ARFGEF1: variants seen among roughly 807,000 people sequenced by gnomAD.
ARFGEF1 encodes the protein brefeldin A-inhibited guanine nucleotide-exchange protein 1.
In ARFGEF1, 42 loss-of-function variants were observed where a neutral mutation model predicts 231.0. The observed-to-expected ratio is 0.18, with a 90% CI of 0.14 to 0.24. The LOEUF is 0.24. Among genes scored for constraint, ARFGEF1 ranks in the 10% least tolerant of loss-of-function variants. The pLI, the probability that ARFGEF1 is intolerant of heterozygous loss-of-function variation, is 1.00. For missense variants in ARFGEF1, 1,345 were observed against 2,192.0 expected (o/e 0.61, Z 7.72); for synonymous variants, 710 against 732.3 (o/e 0.97, Z 0.49).
At position 67,197,840 on chromosome 8, in the gene ARFGEF1, GA is replaced by G. The variant is rs1356554751; in HGVS notation, c.*1093del. ...ATTTTCTACATCCACTGTTAATACG[GA>G]ATGCTTGACAATCTTGTCTTTTAAC... On this transcript the variant is annotated 3_prime_UTR_variant, in exon 39 of 39. Transcript: ENST00000262215. 9 of 985,688 alleles carry G rather than the reference GA, an allele frequency of 9.1e-6. No individual in the cohort carries two copies. Among genetic ancestry groups the G allele is most frequent in the Non-Finnish European group, 1.1e-5 (9 of 829,938 alleles). The allele number at this position is 985,688 out of a possible 1,614,324, so 61.1% of individuals were successfully genotyped here.
Position 67,198,100 on chromosome 8 carries a change from G to C in ARFGEF1, c.*834C>G, listed in dbSNP as rs1191427785. ...CTATTTTAATGGCTCATCTTTAAAA[G>C]TCCTAAGAGAAATATGTGACAGGTA... On this transcript the variant is annotated 3_prime_UTR_variant, in exon 39 of 39. Transcript: ENST00000262215. 1 of 985,670 alleles carries C rather than the reference G, an allele frequency of 1.0e-6. No homozygotes were observed. The highest frequency in any genetic ancestry group is 1.2e-6 in the Non-Finnish European group (1 of 829,916). 61.1% of individuals were successfully genotyped at this position (985,670 alleles called of 1,614,324 possible).
At chr8:67,250,436 T>C (rs769277529) in intron 19 of ARFGEF1, among the ~76,000 whole-genome samples, 3 of 152,192 alleles carry the variant, frequency 2.0e-5, no homozygotes, top group Admixed American at 6.5e-5. Context: ...GAACAGATCA[T>C]AAAAGCTCAC....
At chr8:67,289,297 G>C (rs557673837) in intron 6 of ARFGEF1, among the ~76,000 whole-genome samples, 1 of 152,048 alleles carries the variant, frequency 6.6e-6, no homozygotes, top group Non-Finnish European at 1.5e-5. Flanking sequence ...GGTCACACCT[G>C]TAATCCCAGC....
At chr8:67,185,880 CA>C (rs1834440821) in intron 5 of ARFGEF1, among the ~76,000 whole-genome samples, 1 of 152,044 alleles carries the variant, frequency 6.6e-6, no homozygotes, top group South Asian at 2.1e-4. Flanking sequence ...ACACCAAGAT[CA>C]AAAGGACAAG....
chr8:67,335,407 G>A (rs576175878), intron 1 of ARFGEF1, among the ~76,000 whole-genome samples: 10 of 151,894 alleles, frequency 6.6e-5, no homozygotes, highest in Non-Finnish European at 1.5e-4. Flanking sequence ...GCCGGGCCCC[G>A]TATCACAGTA....
At chr8:67,257,543 C>T (rs953873424) in intron 17 of ARFGEF1, among the ~76,000 whole-genome samples, 189 bp downstream of exon 17, 4 of 146,190 alleles carry the variant, frequency 2.7e-5, no homozygotes, top group South Asian at 2.1e-4. Flanking sequence ...TTATAGATAC[C>T]TAAAAGTCTA....
intron 5 of ARFGEF1, among the ~76,000 whole-genome samples, chr8:67,183,861 T>TC (rs1833663983): frequency 6.7e-6 from 1 of 148,588 alleles, no homozygotes; most frequent in African/African-American, 2.5e-5. Context: ...TTTTTTTTTT[T>TC]TTTTTTTTTT....
At chr8:67,243,483 C>A (rs1041100935) in intron 19 of ARFGEF1, among the ~76,000 whole-genome samples, 1 of 152,130 alleles carries the variant, frequency 6.6e-6, no homozygotes, top group Non-Finnish European at 1.5e-5. Flanking sequence ...ACAAGAACAG[C>A]ACGGGAAAAG....
At position 67,226,134 on chromosome 8, in the gene ARFGEF1, A is replaced by G. The variant is rs1839364041; in HGVS notation, c.3966T>C (p.Asp1322=). 6.2e-7 allele frequency: 1 copy of G among 1,612,326 alleles called. No homozygotes were observed. Among genetic ancestry groups the G allele is most frequent in the Admixed American group, 1.7e-5 (1 of 59,840 alleles). The change falls in exon 28 of 39, where the codon GAT becomes GAC. Residue 1322 remains aspartate, a synonymous_variant. Coordinates refer to ENST00000262215, the MANE Select transcript of ARFGEF1 (RefSeq NM_006421.5). Reference sequence around the variant, plus strand: ...CAAATTCAGACAAACACTTCACTGCATCCTGGAAAGAATCAATGGTCGCTG... The same window carrying G: ...CAAATTCAGACAAACACTTCACTGCGTCCTGGAAAGAATCAATGGTCGCTG... ...HFPATIDSFQ[D]AVKCLSEFAC...
intron 14 of ARFGEF1, among the ~76,000 whole-genome samples, chr8:67,262,527 A>C (rs1486567068): frequency 6.6e-6 from 1 of 152,206 alleles, no homozygotes; most frequent in Non-Finnish European, 1.5e-5. Context: ...GAGACGACAG[A>C]CTCCAATTTT....
intron 29 of ARFGEF1, among the ~76,000 whole-genome samples, chr8:67,222,754 T>G (rs996156019): frequency 6.6e-6 from 1 of 151,764 alleles, no homozygotes; most frequent in African/African-American, 2.4e-5. Context: ...CTGGCCAAAT[T>G]TTTGTATTTT....
chr8:67,289,214 T>C (rs1006125343), intron 6 of ARFGEF1, among the ~76,000 whole-genome samples: 3 of 152,100 alleles, frequency 2.0e-5, no homozygotes, highest in Non-Finnish European at 4.4e-5. Context: ...GCATATTAGC[T>C]GATGGTGCTG....
Position 67,225,007 on chromosome 8 carries a change from A to G in ARFGEF1, c.4104T>C (p.Asp1368=). Residue 1368 remains aspartate, a synonymous_variant, in exon 29 of 39, where the codon GAT becomes GAC. Coordinates refer to ENST00000262215, the MANE Select transcript of ARFGEF1 (RefSeq NM_006421.5). Reference sequence around the variant, plus strand: ...CCCTGTCTTCAGGTGCTACGTTCATATCATCGCTTGTGTATTCCTTGAAAG... The same window carrying G: ...CCCTGTCTTCAGGTGCTACGTTCATGTCATCGCTTGTGTATTCCTTGAAAG... ...PQAFKEYTSD[D]MNVAPEDRVW... is the part of the protein sequence containing the mutation. The G allele has an allele frequency of 6.2e-7, 1 of 1,602,442 alleles. No homozygotes were observed.
At chr8:67,277,647 CCTT>C (rs1805368931) in intron 7 of ARFGEF1, among the ~76,000 whole-genome samples, 190 bp from the exon 8 acceptor site, 1 of 152,142 alleles carries the variant, frequency 6.6e-6, no homozygotes, top group African/African-American at 2.4e-5. Flanking sequence ...CAAATACAAT[CCTT>C]AAGTTGCTCT....
Position 67,246,577 on chromosome 8 carries a change from C to T in ARFGEF1, c.2850+4722G>A, listed in dbSNP as rs186852460. On this transcript the variant is annotated intron_variant, in intron 19 of 38. Transcript: ENST00000262215. The stretch of plus-strand genomic sequence containing the variant: ...GAAACAAATGATAATGAAGACACAA[C>T]GTACCCAAACCTATGGAATATAGTG... Among the ~76,000 whole-genome samples, 51 of 150,198 alleles carry T rather than the reference C, an allele frequency of 3.4e-4. 1 individual carries two copies. The highest frequency in any genetic ancestry group is 5.9e-4 in the Non-Finnish European group (40 of 67,674).
downstream of ARFGEF1, among the ~76,000 whole-genome samples, chr8:67,196,538 A>C (rs1239670691): frequency 6.6e-6 from 1 of 152,216 alleles, no homozygotes; most frequent in African/African-American, 2.4e-5. Flanking sequence ...CTCTCTAATA[A>C]TACTTCCTCT....
chr8:67,188,942 G>A (rs941796726), intron 5 of ARFGEF1, among the ~76,000 whole-genome samples: 10 of 152,062 alleles, frequency 6.6e-5, no homozygotes, highest in Non-Finnish European at 1.5e-4. Flanking sequence ...GAATCTGTGA[G>A]GCCAAGAACC....
chr8:67,274,984 T>G (rs1805253445), intron 9 of ARFGEF1, among the ~76,000 whole-genome samples: 1 of 152,126 alleles, frequency 6.6e-6, no homozygotes, highest in African/African-American at 2.4e-5. Flanking sequence ...AGGATGTTTC[T>G]CCCTGAACTG....
Position 67,199,129 on chromosome 8 carries a change from G to T in ARFGEF1, c.5386-31C>A, listed in dbSNP as rs1372976378. 2.5e-6 allele frequency: 4 copies of T among 1,594,410 alleles called. No homozygotes were observed. In the African/African-American group the frequency reaches 5.5e-5, roughly 22 times the overall value. Reference sequence around the variant, plus strand: ...GGGAAAATGAATTTCTCCATTAGTAGTGATTGCAAACTGCAGAGCCTTAAA... The same window carrying T: ...GGGAAAATGAATTTCTCCATTAGTATTGATTGCAAACTGCAGAGCCTTAAA... On this transcript the variant is annotated intron_variant, in intron 38 of 38. Transcript: ENST00000262215.
Sources: gnomAD v4.1 joint callset for allele counts (sites outside exome capture counted in the v4.1 genomes callset) on GRCh38, gnomAD v4.1.1 for gene constraint, MANE v1.5 for transcripts, NCBI Gene and HGNC (gene_info 2026-07-23, HGNC 2026-07-21) for gene names.